The following GPR180 variants were observed in gnomAD, a reference collection of about 807,000 sequenced individuals.
The protein encoded by GPR180 is integral membrane protein GPR180.
A neutral mutation model predicts 52.6 loss-of-function variants in GPR180; 53 were observed. The ratio of observed to expected loss-of-function variants is 1.01; its 90% CI spans 0.81 to 1.27. The LOEUF (loss-of-function observed/expected upper bound fraction) is 1.27. Ranked by LOEUF, GPR180 falls within the 50% of genes most tolerant of loss-of-function variation. The pLI is 0.00. For missense variants in GPR180, 533 were observed against 527.0 expected, an observed-to-expected ratio of 1.01 and a Z score of -0.11; for synonymous variants, 200 against 193.1, an observed-to-expected ratio of 1.04 and a Z score of -0.30.
chr13:94,621,557 G>A (rs1280689207), intron 6 of GPR180, among the ~76,000 whole-genome samples: 1 of 152,024 alleles, frequency 6.6e-6, no homozygotes, highest in East Asian at 1.9e-4. Flanking sequence ...CTTAATAATA[G>A]CTTTCTTTCA....
intron 1 of GPR180, among the ~76,000 whole-genome samples, chr13:94,602,743 C>A (rs1244171598): frequency 6.6e-6 from 1 of 152,098 alleles, no homozygotes; most frequent in East Asian, 1.9e-4. Flanking sequence ...TGATTTCAGA[C>A]CTTTTGGTCT....
At chr13:94,624,133 C>A (rs1315317331) in intron 7 of GPR180, among the ~76,000 whole-genome samples, 1 of 152,086 alleles carries the variant, frequency 6.6e-6, no homozygotes, top group African/African-American at 2.4e-5. Context: ...CTAGTGAGAT[C>A]TAAAAGCAAA....
At chr13:94,603,395 A>AT (rs1412332022) in intron 1 of GPR180, among the ~76,000 whole-genome samples, 1 of 152,214 alleles carries the variant, frequency 6.6e-6, no homozygotes, top group African/African-American at 2.4e-5. Context: ...ATCATCTGGT[A>AT]AACGTGGAGG....
intron 5 of GPR180, 142 bp from the exon 6 acceptor site, chr13:94,620,936 T>A: frequency 1.5e-6 from 1 of 667,172 alleles, no homozygotes; most frequent in Non-Finnish European, 2.5e-6. Context: ...CGAATATCTC[T>A]TAATGAATTT....
intron 6 of GPR180, 91 bp from the exon 7 acceptor site, chr13:94,623,018 A>T: frequency 1.1e-6 from 1 of 892,832 alleles, no homozygotes; most frequent in Non-Finnish European, 1.7e-6. Flanking sequence ...TTTATATAAC[A>T]TTTAAAGGGA....
intron 1 of GPR180, among the ~76,000 whole-genome samples, chr13:94,603,696 A>G (rs115913537): frequency 0.028 from 4,244 of 152,254 alleles, 204 homozygotes; most frequent in African/African-American, 0.095. Context: ...ATATTTAAAT[A>G]TATTTAAAAT....
intron 1 of GPR180, among the ~76,000 whole-genome samples, chr13:94,605,117 T>C (rs1477661142): frequency 6.6e-6 from 1 of 152,204 alleles, no homozygotes; most frequent in Non-Finnish European, 1.5e-5. Flanking sequence ...AAAATTTTAA[T>C]ACAGTGAATT....
In GPR180 at chr13:94,627,944, T is replaced by C. The variant is rs909794582; in HGVS notation, c.*773T>C. On this transcript the variant is annotated 3_prime_UTR_variant, in exon 9 of 9. Coordinates refer to ENST00000376958, the MANE Select transcript of GPR180 (RefSeq NM_180989.6). The stretch of plus-strand genomic sequence containing the variant: ...CAGAAAGAAGGGAAAAGGTACTATG[T>C]GATATGGTACTGAAATTTTGATCCC... 3 of 152,538 alleles carry C rather than the reference T, an allele frequency of 2.0e-5. No homozygotes were observed. The highest frequency in any genetic ancestry group is 7.2e-5 in the African/African-American group (3 of 41,434). The allele number at this position is 152,538 out of a possible 1,614,324, so 9.4% of individuals were successfully genotyped here.
chr13:94,624,517 T>C (rs1889896577), intron 7 of GPR180, among the ~76,000 whole-genome samples: 1 of 152,222 alleles, frequency 6.6e-6, no homozygotes, highest in Non-Finnish European at 1.5e-5. Flanking sequence ...TAAGTTAATA[T>C]GTATTTGAGG....
At chr13:94,621,286 C>T (rs765414480) in intron 6 of GPR180, 51 bp downstream of exon 6, 1 of 1,363,214 alleles carries the variant, frequency 7.3e-7, no homozygotes, top group Non-Finnish European at 9.8e-7. Flanking sequence ...GAAATGCAAA[C>T]TTGAGCATAC....
chr13:94,614,149 G>A (rs778829329), intron 3 of GPR180, among the ~76,000 whole-genome samples: 5 of 152,130 alleles, frequency 3.3e-5, no homozygotes, highest in African/African-American at 9.7e-5. Context: ...GATTACAGGC[G>A]TGAGCCACCG....
Position 94,611,531 on chromosome 13 carries a change from A to G in GPR180, c.305-659A>G, listed in dbSNP as rs184756402. Among the ~76,000 whole-genome samples, 400 of 152,214 alleles carry G rather than the reference A, an allele frequency of 2.6e-3. 2 individuals are homozygous for G. Among genetic ancestry groups the G allele is most frequent in the African/African-American group, 9.2e-3 (380 of 41,530 alleles). ...ATTAACCAACCCGGAAACTGTGAAA[A>G]TATCGAAAATCAAAATTCAAAGTTT... On this transcript the variant is annotated intron_variant, in intron 2 of 8. Transcript: ENST00000376958.
intron 3 of GPR180, among the ~76,000 whole-genome samples, chr13:94,612,969 C>T (rs1889729601): frequency 6.6e-6 from 1 of 152,148 alleles, no homozygotes; most frequent in Non-Finnish European, 1.5e-5. Context: ...ATCAGATGTA[C>T]TCATATGAAA....
At position 94,621,206 on chromosome 13, in the gene GPR180, G is replaced by T; in HGVS notation, c.865G>T (p.Gly289Cys). Residue 289 changes from glycine (G) to cysteine (C), a missense_variant, in exon 6 of 9, where the codon GGC becomes TGC. Physicochemically the swap from Gly to Cys is radical, Grantham distance 159. Transcript: ENST00000376958. The part of the protein sequence containing the change: ...LQWDSTPAST[G>C]IAVFIVMTQS... ...GTGGGATTCTACGCCTGCATCCACT[G>T]GCATTGCAGTATTCATTGTCATGAC... 6.2e-7 allele frequency: 1 copy of T among 1,605,874 alleles called. No homozygotes were observed. The highest frequency in any genetic ancestry group is 8.5e-7 in the Non-Finnish European group (1 of 1,178,356).
rs900960211 is a variant in GPR180, at chr13:94,634,310, A to G, written c.*7139A>G. ...GACTCCTCAGCCAAGCATATTATCA[A>G]CTGTCGGAAACTAGGTTTTCCCATA... On this transcript the variant is annotated 3_prime_UTR_variant, in exon 9 of 9. Transcript: ENST00000376958. 3 of 152,126 alleles carry G rather than the reference A, an allele frequency of 2.0e-5. No homozygotes were observed. The highest frequency in any genetic ancestry group is 7.2e-5 in the African/African-American group (3 of 41,430). 9.4% of individuals were successfully genotyped at this position (152,126 alleles called of 1,614,324 possible).
intron 7 of GPR180, 118 bp from the exon 8 acceptor site, chr13:94,625,848 C>T (rs1004901873): frequency 3.7e-6 from 2 of 538,040 alleles, no homozygotes; most frequent in Non-Finnish European, 6.7e-6. Flanking sequence ...GCAGGCTGTA[C>T]TCTAAAGGCC....
Position 94,634,449 on chromosome 13 carries a change from A to G in GPR180, c.*7278A>G, listed in dbSNP as rs1021670119. 1 of 152,012 alleles carries G rather than the reference A, an allele frequency of 6.6e-6. No individual in the cohort carries two copies. Among genetic ancestry groups the G allele is most frequent in the Non-Finnish European group, 1.5e-5 (1 of 67,992 alleles). 9.4% of individuals were successfully genotyped at this position (152,012 alleles called of 1,614,324 possible). A position where few individuals can be genotyped will look rare whatever the true frequency, so the allele number is the denominator to read the frequency against. On this transcript the variant is annotated 3_prime_UTR_variant, in exon 9 of 9. Transcript: ENST00000376958. ...AGTAATCAGAAGTATGTGTTTCTCAATCACCTTTTAAAGACTTCTTTATAT... is the reference window on the plus strand; with the variant it reads ...AGTAATCAGAAGTATGTGTTTCTCAGTCACCTTTTAAAGACTTCTTTATAT...
chr13:94,625,319 A>G (rs1370616872), intron 7 of GPR180, among the ~76,000 whole-genome samples: 1 of 152,132 alleles, frequency 6.6e-6, no homozygotes, highest in African/African-American at 2.4e-5. Context: ...TTTCATTTTT[A>G]TACAAATAGT....
At position 94,632,726 on chromosome 13, in the gene GPR180, C is replaced by A. The variant is rs1341267; in HGVS notation, c.*5555C>A. On this transcript the variant is annotated 3_prime_UTR_variant, in exon 9 of 9. Coordinates refer to ENST00000376958, the MANE Select transcript of GPR180 (RefSeq NM_180989.6). ...AGTGAGCTCTGATAGTTACGCTAAC[C>A]AGATGACTCAAATAGGGGCTAGCCA... is the stretch of plus-strand genomic sequence containing the variant. The A allele has an allele frequency of 0.64, 97,598 of 152,046 alleles. 33,362 individuals are homozygous for A. Among genetic ancestry groups the A allele is most frequent in the African/African-American group, 0.88 (36,668 of 41,530 alleles). 9.4% of individuals were successfully genotyped at this position (152,046 alleles called of 1,614,324 possible).
Sources: allele counts gnomAD v4.1 joint callset (sites outside exome capture counted in the v4.1 genomes callset), GRCh38; gene constraint gnomAD v4.1.1; transcripts MANE v1.5; gene names NCBI Gene and HGNC (gene_info 2026-07-23, HGNC 2026-07-21).